Variants in MAF observed in about 807,000 individuals in gnomAD.
MAF encodes transcription factor Maf.
MAF carries 10 observed loss-of-function variants against 22.0 expected under a neutral mutation model. The ratio of observed to expected loss-of-function variants is 0.45; its 90% confidence interval spans 0.28 to 0.77. The LOEUF is 0.77. MAF is among the 30% of genes least tolerant of loss of function. MAF has a pLI of 0.12. For missense variants in MAF, 544 were observed against 548.4 expected (o/e 0.99, Z 0.08); for synonymous variants, 337 against 255.8 (o/e 1.32, Z -3.03).
At chr16:79,468,613 A>G in the MAF span, among the ~76,000 whole-genome samples, 1 of 152,164 alleles carries the variant, frequency 6.6e-6, no homozygotes, top group Non-Finnish European at 1.5e-5. Context: ...GCTCAGCCCC[A>G]GCTCACCCTG....
At chr16:79,400,038 G>T in the MAF span, among the ~76,000 whole-genome samples, 4 of 152,200 alleles carry the variant, frequency 2.6e-5, no homozygotes, top group Admixed American at 2.6e-4. Context: ...CCCGACACAG[G>T]TCTAGAGCAG....
the MAF span, among the ~76,000 whole-genome samples, chr16:79,467,755 C>G: frequency 6.6e-6 from 1 of 152,156 alleles, no homozygotes; most frequent in African/African-American, 2.4e-5. Flanking sequence ...AGTGTATGCT[C>G]AAGTTTGTGA....
At chr16:79,228,204 C>T in the MAF span, among the ~76,000 whole-genome samples, 1 of 151,988 alleles carries the variant, frequency 6.6e-6, no homozygotes, top group South Asian at 2.1e-4. Flanking sequence ...CCTTGCCCAG[C>T]CACATTATTT....
the MAF span, among the ~76,000 whole-genome samples, chr16:79,266,319 G>A: frequency 6.6e-6 from 1 of 152,274 alleles, no homozygotes; most frequent in African/African-American, 2.4e-5. Context: ...TTGACCACGG[G>A]TAACTGAAAC....
the MAF span, among the ~76,000 whole-genome samples, chr16:79,569,008 G>A: frequency 4.6e-5 from 7 of 152,164 alleles, no homozygotes; most frequent in African/African-American, 1.7e-4. Context: ...TCAGCTAGAA[G>A]GTTAAGCATG....
chr16:79,257,563 T>C, the MAF span, among the ~76,000 whole-genome samples: 1 of 152,174 alleles, frequency 6.6e-6, no homozygotes, highest in African/African-American at 2.4e-5. Context: ...AGGGTCAGCT[T>C]GGCTGGGTGA....
chr16:79,210,557 C>A, the MAF span, among the ~76,000 whole-genome samples: 2 of 152,186 alleles, frequency 1.3e-5, no homozygotes, highest in African/African-American at 4.8e-5. Context: ...CCGGTCCTCT[C>A]TTGCAACCCC....
chr16:79,497,860 T>A, the MAF span, among the ~76,000 whole-genome samples: 1 of 152,220 alleles, frequency 6.6e-6, no homozygotes, highest in African/African-American at 2.4e-5. Context: ...ATTCCTGCAA[T>A]GCCTTGCTCA....
the MAF span, among the ~76,000 whole-genome samples, chr16:79,219,244 C>T: frequency 6.6e-6 from 1 of 152,146 alleles, no homozygotes; most frequent in African/African-American, 2.4e-5. Context: ...AAGAGCTTGT[C>T]CTGTTACTTT....
the MAF span, among the ~76,000 whole-genome samples, chr16:79,331,939 C>T: frequency 3.1e-4 from 47 of 152,288 alleles, no homozygotes; most frequent in Admixed American, 1.0e-3. Flanking sequence ...ATCATTCACT[C>T]GACTTTATTT....
At chr16:79,357,253 C>CTCAACA in the MAF span, among the ~76,000 whole-genome samples, 315 of 146,076 alleles carry the variant, frequency 2.2e-3, 5 homozygotes, top group African/African-American at 7.1e-3. Flanking sequence ...AAGACTCTGT[C>CTCAACA]ACAACAACAA....
chr16:79,287,374 C>T, the MAF span, among the ~76,000 whole-genome samples: 1 of 152,228 alleles, frequency 6.6e-6, no homozygotes, highest in South Asian at 2.1e-4. Context: ...GCAAACCAGC[C>T]CCTTCCCGGT....
In MAF at chr16:79,594,349, A is replaced by G; in HGVS notation, c.*111T>C. On this transcript the variant is annotated 3_prime_UTR_variant, in exon 2 of 2. Transcript: ENST00000326043. ...AATAGCCTTCTTCTCTAACACAGTA[A>G]TTTTTATTTAAAAAGGAGACTAAAC... The G allele has an allele frequency of 2.0e-6, 2 of 979,534 alleles. No individual in the cohort carries two copies. Among genetic ancestry groups the G allele is most frequent in the Non-Finnish European group, 3.2e-6 (2 of 631,930 alleles). 60.7% of individuals were successfully genotyped at this position (979,534 alleles called of 1,614,324 possible).
the MAF span, among the ~76,000 whole-genome samples, chr16:79,457,196 G>A: frequency 6.6e-5 from 10 of 152,096 alleles, no homozygotes; most frequent in Admixed American, 3.3e-4. Flanking sequence ...AATTAGCTTT[G>A]CAGGTATTTT....
the MAF span, among the ~76,000 whole-genome samples, chr16:79,447,789 G>A: frequency 6.6e-6 from 1 of 151,150 alleles, no homozygotes; most frequent in African/African-American, 2.4e-5. Context: ...GAGCCTGTGG[G>A]AGGCTGAGGC....
chr16:79,564,967 C>A, the MAF span, among the ~76,000 whole-genome samples: 7,430 of 152,216 alleles, frequency 0.049, 269 homozygotes, highest in Middle Eastern at 0.095. Flanking sequence ...GTACCTCGAA[C>A]CTTACACATG....
the MAF span, among the ~76,000 whole-genome samples, chr16:79,479,589 A>G: frequency 4.6e-5 from 7 of 152,290 alleles, no homozygotes; most frequent in Non-Finnish European, 8.8e-5. Flanking sequence ...CCCCCTCTCT[A>G]GAGCCGAGCC....
the MAF span, among the ~76,000 whole-genome samples, chr16:79,390,225 A>G: frequency 1.3e-5 from 2 of 152,012 alleles, no homozygotes; most frequent in Admixed American, 6.6e-5. Context: ...TTATTTTGGC[A>G]ATATTGCTTC....
At chr16:79,415,663 C>A in the MAF span, among the ~76,000 whole-genome samples, 2 of 151,908 alleles carry the variant, frequency 1.3e-5, no homozygotes, top group African/African-American at 4.8e-5. Flanking sequence ...CAGCTCTGCT[C>A]TCTCTCTAGG....
Sources: allele counts gnomAD v4.1 joint callset (sites outside exome capture counted in the v4.1 genomes callset), GRCh38; gene constraint gnomAD v4.1.1; transcripts MANE v1.5; gene names NCBI Gene and HGNC (gene_info 2026-07-23, HGNC 2026-07-21).